The following WDR70 variants were observed in gnomAD, a reference collection of about 807,000 sequenced individuals.
The protein encoded by WDR70 is WD repeat domain 70.
A neutral mutation model predicts 88.6 loss-of-function variants in WDR70; 53 were observed. The observed-to-expected ratio is 0.60, with a 90% CI of 0.48 to 0.75. The LOEUF is 0.75. Among genes scored for constraint, WDR70 ranks in the 30% least tolerant of loss-of-function variants. The pLI, the probability that WDR70 is intolerant of heterozygous loss-of-function variation, is 0.00. For missense variants in WDR70, 610 were observed against 823.2 expected (o/e 0.74, Z 3.17); for synonymous variants, 280 against 270.0 (o/e 1.04, Z -0.36).
chr5:37,722,960 C>T (rs1164946577), intron 15 of WDR70, 26 bp downstream of exon 15: 45 of 1,610,598 alleles, frequency 2.8e-5, no homozygotes, highest in Non-Finnish European at 3.5e-5. Context: ...GCCTCTCAAT[C>T]ATGCATCTCT....
chr5:37,598,364 A>T (rs1174546802), intron 9 of WDR70, among the ~76,000 whole-genome samples: 2 of 152,228 alleles, frequency 1.3e-5, no homozygotes, highest in African/African-American at 4.8e-5. Context: ...AAATGGGATC[A>T]TAATACCAAC....
intron 17 of WDR70, among the ~76,000 whole-genome samples, chr5:37,735,538 C>G (rs376019023): frequency 1.1e-4 from 17 of 152,274 alleles, no homozygotes; most frequent in African/African-American, 4.1e-4. Context: ...CTGCATTTTG[C>G]TATCATCTCT....
chr5:37,604,976 G>A, intron 9 of WDR70, 88 bp from the exon 10 acceptor site: 1 of 1,172,008 alleles, frequency 8.5e-7, no homozygotes, highest in Non-Finnish European at 1.1e-6. Flanking sequence ...AAATGGCGAA[G>A]CAGTCTTTAT....
At chr5:37,389,052 A>G (rs1416408126) in intron 3 of WDR70, among the ~76,000 whole-genome samples, 2 of 151,726 alleles carry the variant, frequency 1.3e-5, no homozygotes, top group Non-Finnish European at 2.9e-5. Flanking sequence ...GGATTGGCTG[A>G]AAAAACAGGG....
At chr5:37,572,249 C>T (rs1212333019) in intron 9 of WDR70, among the ~76,000 whole-genome samples, 8 of 151,898 alleles carry the variant, frequency 5.3e-5, no homozygotes, top group Non-Finnish European at 8.8e-5. Context: ...AAGCCTGTGT[C>T]GTGCAATTCA....
intron 10 of WDR70, among the ~76,000 whole-genome samples, chr5:37,696,864 T>C (rs906782015): frequency 5.3e-5 from 8 of 152,206 alleles, no homozygotes; most frequent in Admixed American, 4.6e-4. Flanking sequence ...TACAAGTCTT[T>C]AACTGTGTAG....
intron 8 of WDR70, among the ~76,000 whole-genome samples, chr5:37,499,773 G>C (rs937795959): frequency 6.6e-6 from 1 of 151,716 alleles, no homozygotes; most frequent in African/African-American, 2.4e-5. Context: ...GGCTGGTCTT[G>C]AACTCCTGGG....
intron 8 of WDR70, among the ~76,000 whole-genome samples, chr5:37,481,987 C>G (rs897475657): frequency 2.0e-5 from 3 of 152,150 alleles, no homozygotes; most frequent in Admixed American, 1.3e-4. Context: ...CACAATGCCT[C>G]CAGTGTCTTT....
At chr5:37,443,129 C>T (rs1285384775) in intron 6 of WDR70, 110 bp from the exon 7 acceptor site, 1 of 1,227,644 alleles carries the variant, frequency 8.1e-7, no homozygotes, top group Non-Finnish European at 1.1e-6. Context: ...GTGGTTTGTA[C>T]TTCCAAGTCC....
At chr5:37,529,665 C>G (rs1054572566) in intron 9 of WDR70, among the ~76,000 whole-genome samples, 1 of 152,030 alleles carries the variant, frequency 6.6e-6, no homozygotes, top group Non-Finnish European at 1.5e-5. Flanking sequence ...GATTTGTGTA[C>G]ATTAATTTTG....
chr5:37,521,703 TACACACACACAC>T (rs59206188), intron 9 of WDR70, among the ~76,000 whole-genome samples: 2,923 of 145,332 alleles, frequency 0.02, 85 homozygotes, highest in African/African-American at 0.072. Context: ...AGTCCAAGTA[TACACACACACAC>T]ACACACACAC....
chr5:37,444,733 C>G (rs1165587573), intron 7 of WDR70, among the ~76,000 whole-genome samples: 3 of 152,146 alleles, frequency 2.0e-5, no homozygotes, highest in Non-Finnish European at 4.4e-5. Flanking sequence ...GGTCCCCAAT[C>G]TTTTTTGCAC....
intron 10 of WDR70, among the ~76,000 whole-genome samples, chr5:37,615,056 T>G (rs1365716958): frequency 6.6e-6 from 1 of 151,820 alleles, no homozygotes; most frequent in Non-Finnish European, 1.5e-5. Context: ...AAAATAAATA[T>G]GTGATTGAGG....
intron 7 of WDR70, among the ~76,000 whole-genome samples, chr5:37,463,136 G>C (rs972609401): frequency 6.6e-6 from 1 of 152,112 alleles, no homozygotes. Context: ...GCCCAGCATG[G>C]TGGCACGCAC....
intron 17 of WDR70, among the ~76,000 whole-genome samples, chr5:37,734,722 G>A (rs67595755): frequency 9.1e-4 from 138 of 152,132 alleles, no homozygotes; most frequent in Non-Finnish European, 1.5e-3. Flanking sequence ...AGTGAAATGA[G>A]GGAGTGAGCC....
intron 10 of WDR70, among the ~76,000 whole-genome samples, chr5:37,629,214 T>C (rs1202071024): frequency 6.6e-6 from 1 of 152,196 alleles, no homozygotes; most frequent in African/African-American, 2.4e-5. Flanking sequence ...TGGAATTCTT[T>C]GTCTTTTACT....
At chr5:37,650,306 G>A (rs908094550) in intron 10 of WDR70, among the ~76,000 whole-genome samples, 5 of 151,730 alleles carry the variant, frequency 3.3e-5, no homozygotes, top group South Asian at 2.1e-4. Context: ...GAGGCTGAGC[G>A]GGGAGGATGG....
At chr5:37,637,343 A>T (rs199974479) in intron 10 of WDR70, among the ~76,000 whole-genome samples, 11 of 53,984 alleles carry the variant, frequency 2.0e-4, no homozygotes, top group East Asian at 8.5e-4. Flanking sequence ...AATAAATTAA[A>T]TAAATAAATA....
intron 5 of WDR70, among the ~76,000 whole-genome samples, chr5:37,415,490 C>G (rs1224662813): frequency 1.5e-5 from 1 of 68,796 alleles, no homozygotes; most frequent in African/African-American, 6.1e-5. Flanking sequence ...CCGGAAGGGG[C>G]GGCTGGGGGT....
Sources: allele counts gnomAD v4.1 joint callset (sites outside exome capture counted in the v4.1 genomes callset), GRCh38; gene constraint gnomAD v4.1.1; transcripts MANE v1.5; gene names NCBI Gene and HGNC (gene_info 2026-07-23, HGNC 2026-07-21).